ELMO1: variants seen among roughly 807,000 people sequenced by gnomAD.
ELMO1 encodes the protein engulfment and cell motility 1, also known as engulfment and cell motility protein 1.
ELMO1 carries 26 observed loss-of-function variants against 98.9 expected under a neutral mutation model. That is an observed-to-expected ratio of 0.26 (90% CI 0.19 to 0.36). ELMO1 has a LOEUF of 0.36. ELMO1 is among the 10% of genes least tolerant of loss of function. The pLI is 1.00. For missense variants in ELMO1, 627 were observed against 935.2 expected, an observed-to-expected ratio of 0.67 and a Z score of 4.30; for synonymous variants, 346 against 346.0, an observed-to-expected ratio of 1.00 and a Z score of 0.00.
chr7:37,013,519 G>A, intron 15 of ELMO1, 84 bp from the exon 16 acceptor site: 1 of 1,462,202 alleles, frequency 6.8e-7, no homozygotes, highest in South Asian at 1.3e-5. Flanking sequence ...TGCCCCAAAG[G>A]GAGACAAGCG....
intron 16 of ELMO1, among the ~76,000 whole-genome samples, chr7:36,975,385 T>C (rs570665075): frequency 6.6e-6 from 1 of 152,050 alleles, no homozygotes; most frequent in South Asian, 2.1e-4. Flanking sequence ...GACAGGAGAA[T>C]TGCTTGAACC....
At chr7:37,198,195 C>A (rs559695395) in intron 13 of ELMO1, among the ~76,000 whole-genome samples, 1 of 152,168 alleles carries the variant, frequency 6.6e-6, no homozygotes, top group Non-Finnish European at 1.5e-5. Context: ...AGCACTCTTA[C>A]GAAATTCTCT....
intron 13 of ELMO1, among the ~76,000 whole-genome samples, chr7:37,190,477 TTTC>T (rs1791497437): frequency 6.6e-6 from 1 of 152,162 alleles, no homozygotes; most frequent in Admixed American, 6.5e-5. Flanking sequence ...TATTCTAGGT[TTTC>T]ACATGGAAAT....
chr7:37,271,570 G>C lies in ELMO1; in HGVS notation c.243+262C>G. On this transcript the variant is annotated intron_variant, in intron 5 of 21. Transcript: ENST00000310758. ...GAACAACTCATAATGTTTTGAGAAA[G>C]TTTACGAATTTGTGAATTCAAAGCT... 7 of 419,006 alleles carry C rather than the reference G, an allele frequency of 1.7e-5. No individual in the cohort carries two copies. The South Asian group carries it at 2.9e-4, about 18-fold the overall frequency. The allele number at this position is 419,006 out of a possible 1,614,324, so 26.0% of individuals were successfully genotyped here. A position where few individuals can be genotyped will look rare whatever the true frequency, so the allele number is the denominator to read the frequency against.
intron 1 of ELMO1, among the ~76,000 whole-genome samples, chr7:37,423,013 T>C (rs967297078): frequency 3.8e-4 from 58 of 152,240 alleles, no homozygotes; most frequent in African/African-American, 1.4e-3. Flanking sequence ...TTACATAACT[T>C]GTTTAAATTT....
intron 16 of ELMO1, among the ~76,000 whole-genome samples, chr7:36,998,410 T>C (rs1456086874): frequency 6.6e-6 from 1 of 152,134 alleles, no homozygotes; most frequent in African/African-American, 2.4e-5. Flanking sequence ...TTAGTTATCC[T>C]TTAATTTTTT....
At chr7:37,444,913 TTTTGTTAAAAGG>T (rs1258150241) in intron 1 of ELMO1, among the ~76,000 whole-genome samples, 1 of 152,250 alleles carries the variant, frequency 6.6e-6, no homozygotes, top group Non-Finnish European at 1.5e-5. Context: ...ACCAACAGTA[TTTTGTTAAAAGG>T]AGATAGCTAA....
chr7:37,359,806 T>C (rs1801630170), intron 1 of ELMO1, among the ~76,000 whole-genome samples: 1 of 152,198 alleles, frequency 6.6e-6, no homozygotes, highest in African/African-American at 2.4e-5. Context: ...AGAAAAAGGC[T>C]TTATGCACTT....
chr7:36,860,008 GA>G (rs1802493018), intron 21 of ELMO1, among the ~76,000 whole-genome samples: 1 of 152,080 alleles, frequency 6.6e-6, no homozygotes, highest in Non-Finnish European at 1.5e-5. Context: ...AGACTTTTAT[GA>G]TGATCCTCTT....
intron 1 of ELMO1, among the ~76,000 whole-genome samples, chr7:37,394,495 C>T (rs986890012): frequency 6.6e-6 from 1 of 152,152 alleles, no homozygotes; most frequent in African/African-American, 2.4e-5. Context: ...ATCATGAAGA[C>T]ATTCTTACAA....
intron 16 of ELMO1, among the ~76,000 whole-genome samples, chr7:36,904,333 C>T (rs533162201): frequency 2.3e-4 from 35 of 152,360 alleles, no homozygotes; most frequent in Middle Eastern, 6.8e-3. Context: ...GCTCCCAGTG[C>T]TGCCACTGCC....
In ELMO1 at chr7:37,197,640, A is replaced by AAAGCAGGTCAATGGG. The variant is rs1323245296; in HGVS notation, c.1086+13731_1086+13745dup. ...GCGTGGAGCTGATTGATGGCCATCAAAAGCAGGTCAATGGGAAGCAGGTAA... is the reference window on the plus strand; with the variant it reads ...GCGTGGAGCTGATTGATGGCCATCAAAAGCAGGTCAATGGGAAGCAGGTCAATGGGAAGCAGGTAA... On this transcript the variant is annotated intron_variant, in intron 13 of 21. Transcript: ENST00000310758. Among the ~76,000 whole-genome samples, 4 of 152,228 alleles carry AAAGCAGGTCAATGGG rather than the reference A, an allele frequency of 2.6e-5. 1 individual carries two copies. The highest frequency in any genetic ancestry group is 5.9e-5 in the Non-Finnish European group (4 of 68,038).
intron 19 of ELMO1, among the ~76,000 whole-genome samples, chr7:36,872,063 C>T (rs1055092652): frequency 3.3e-5 from 5 of 152,308 alleles, no homozygotes; most frequent in Admixed American, 2.6e-4. Flanking sequence ...TTCCTTCTGG[C>T]CACAGAAAAC....
intron 21 of ELMO1, among the ~76,000 whole-genome samples, chr7:36,856,678 GGACA>G (rs1405495078): frequency 6.6e-6 from 1 of 152,162 alleles, no homozygotes; most frequent in Non-Finnish European, 1.5e-5. Flanking sequence ...GTACTGACAT[GGACA>G]GAGAACCATG....
At chr7:36,880,622 G>C (rs898241610) in intron 18 of ELMO1, among the ~76,000 whole-genome samples, 1 of 152,196 alleles carries the variant, frequency 6.6e-6, no homozygotes, top group African/African-American at 2.4e-5. Context: ...AGACATGAAA[G>C]ACAAGGCCAA....
chr7:37,150,440 TA>T (rs10652093), intron 13 of ELMO1, among the ~76,000 whole-genome samples: 65 of 146,836 alleles, frequency 4.4e-4, no homozygotes, highest in African/African-American at 7.5e-4. Flanking sequence ...ACTACTACAC[TA>T]AAAAAAAAAA....
intron 2 of ELMO1, among the ~76,000 whole-genome samples, chr7:37,321,728 A>AAAAAAAAAAAC (rs1378113735): frequency 1.3e-5 from 2 of 150,384 alleles, no homozygotes; most frequent in Non-Finnish European, 3.0e-5. Flanking sequence ...AAAAAAAAAA[A>AAAAAAAAAAAC]AAAAAAAAAA....
At chr7:37,138,768 TAAAA>T (rs949469204) in intron 13 of ELMO1, among the ~76,000 whole-genome samples, 1 of 151,878 alleles carries the variant, frequency 6.6e-6, no homozygotes, top group Non-Finnish European at 1.5e-5. Context: ...AAGGACATCA[TAAAA>T]AAAGAAAACT....
chr7:36,928,909 G>A (rs2129082087), intron 16 of ELMO1, among the ~76,000 whole-genome samples: 1 of 152,314 alleles, frequency 6.6e-6, no homozygotes, highest in East Asian at 1.9e-4. Context: ...CCACAACAAG[G>A]GACCAGAAAG....
Sources: gnomAD v4.1 joint callset for allele counts (sites outside exome capture counted in the v4.1 genomes callset) on GRCh38, gnomAD v4.1.1 for gene constraint, MANE v1.5 for transcripts, NCBI Gene and HGNC (gene_info 2026-07-23, HGNC 2026-07-21) for gene names.